EIF2S3: variants seen among roughly 807,000 people sequenced by gnomAD.
EIF2S3 encodes the protein eukaryotic translation initiation factor 2 subunit gamma.
Under a neutral mutation model 31.7 loss-of-function variants are expected in EIF2S3, and 2 were observed. The ratio of observed to expected loss-of-function variants is 0.06; its 90% CI spans 0.03 to 0.20. The LOEUF is 0.20. Among genes scored for constraint, EIF2S3 ranks in the 10% least tolerant of loss-of-function variants. The pLI is 1.00. For synonymous variants in EIF2S3, 120 were observed against 126.7 expected (o/e 0.95, Z 0.36); for missense variants, 96 against 359.3 (o/e 0.27, Z 5.92).
intron 11 of EIF2S3, among the ~76,000 whole-genome samples, chrX:24,075,140 C>T (rs1401529694): frequency 1.8e-5 from 2 of 110,815 alleles, no homozygotes; most frequent in Non-Finnish European, 3.8e-5. Context: ...GCTGGGATTA[C>T]AGGCATGAGC....
chrX:24,063,756 C>T (rs1251675809), intron 6 of EIF2S3, among the ~76,000 whole-genome samples: 2 of 109,489 alleles, frequency 1.8e-5, no homozygotes, highest in Admixed American at 2.0e-4. Flanking sequence ...GCCTGGGTGA[C>T]AAAGCGAGAC....
At chrX:24,063,198 A>C (rs1369108385) in intron 6 of EIF2S3, among the ~76,000 whole-genome samples, 1 of 112,284 alleles carries the variant, frequency 8.9e-6, no homozygotes, top group African/African-American at 3.2e-5. Context: ...AGCCGAGATC[A>C]CGCCATTGCA....
chrX:24,056,116 T>G (rs1382601389), intron 2 of EIF2S3, among the ~76,000 whole-genome samples: 1 of 112,121 alleles, frequency 8.9e-6, no homozygotes, highest in Non-Finnish European at 1.9e-5. Context: ...AGTGTAAATT[T>G]TGGACATTTT....
intron 6 of EIF2S3, among the ~76,000 whole-genome samples, 175 bp from the exon 7 acceptor site, chrX:24,064,026 A>G (rs902624923): frequency 8.9e-6 from 1 of 112,412 alleles, no homozygotes; most frequent in Admixed American, 9.5e-5. Flanking sequence ...AGTAAAAACA[A>G]ACAATATTGC....
At chrX:24,056,385 C>G (rs923746757) in intron 2 of EIF2S3, among the ~76,000 whole-genome samples, 1 of 111,818 alleles carries the variant, frequency 8.9e-6, no homozygotes, top group Non-Finnish European at 1.9e-5. Context: ...TCCGAACAAC[C>G]TATGCTAAGA....
At chrX:24,062,216 T>C (rs1216044067) in intron 5 of EIF2S3, among the ~76,000 whole-genome samples, 200 bp from the exon 6 acceptor site, 1 of 110,927 alleles carries the variant, frequency 9.0e-6, no homozygotes, top group African/African-American at 3.3e-5. Context: ...TTCACCACTA[T>C]CTAGTTCCAG....
chrX:24,067,898 CT>C, intron 8 of EIF2S3, 65 bp from the exon 9 acceptor site: 4 of 1,105,051 alleles, frequency 3.6e-6, no homozygotes, highest in Non-Finnish European at 4.8e-6. Flanking sequence ...CCTGTTGGAA[CT>C]TTTGATAGGT....
At chrX:24,072,560 A>G (rs990753052) in intron 10 of EIF2S3, among the ~76,000 whole-genome samples, 17 of 111,938 alleles carry the variant, frequency 1.5e-4, no homozygotes, top group Non-Finnish European at 2.1e-4. Context: ...TGGGATTAAC[A>G]GGTGTGATCC....
chrX:24,073,414 C>G, intron 11 of EIF2S3, 151 bp downstream of exon 11: 1 of 774,498 alleles, frequency 1.3e-6, no homozygotes, highest in Middle Eastern at 3.8e-4. Flanking sequence ...ATACTTCGGC[C>G]GGGTGCGGTG....
At chrX:24,065,963 A>T in intron 7 of EIF2S3, 35 bp from the exon 8 acceptor site, 3 of 1,094,405 alleles carry the variant, frequency 2.7e-6, no homozygotes, top group Non-Finnish European at 3.8e-6. Flanking sequence ...TAAAGTTAAG[A>T]TTAACAGAAC....
At chrX:24,067,878 G>C (rs767778831) in intron 8 of EIF2S3, 86 bp from the exon 9 acceptor site, 1 of 1,038,372 alleles carries the variant, frequency 9.6e-7, no homozygotes, top group Admixed American at 2.8e-5. Flanking sequence ...GTGAGCCACC[G>C]CACCCAGTCC....
At chrX:24,055,467 G>A (rs941086790) in intron 1 of EIF2S3, 148 bp from the exon 2 acceptor site, 6 of 530,633 alleles carry the variant, frequency 1.1e-5, no homozygotes, top group African/African-American at 9.2e-5. Context: ...CCAGCCATAG[G>A]AGTACAAAGT....
At chrX:24,071,751 T>A (rs1394168606) in intron 10 of EIF2S3, 24 bp downstream of exon 10, 1 of 1,199,696 alleles carries the variant, frequency 8.3e-7, no homozygotes, top group Non-Finnish European at 1.1e-6. Context: ...TAAAAATTCC[T>A]GTTTCTAAAA....
intron 11 of EIF2S3, among the ~76,000 whole-genome samples, 191 bp from the exon 12 acceptor site, chrX:24,076,531 C>G (rs745883441): frequency 2.7e-5 from 3 of 111,576 alleles, no homozygotes; most frequent in African/African-American, 9.7e-5. Context: ...GAGACTGTCT[C>G]AGAAAAAACA....
chrX:24,056,765 C>T (rs780827762), intron 2 of EIF2S3, among the ~76,000 whole-genome samples: 2 of 111,331 alleles, frequency 1.8e-5, no homozygotes, highest in African/African-American at 3.3e-5. Flanking sequence ...AGGCCGAGGT[C>T]GGAGGATTGC....
intron 6 of EIF2S3, among the ~76,000 whole-genome samples, chrX:24,062,825 TTATC>T (rs201302575): frequency 0.018 from 2,056 of 111,504 alleles, 50 homozygotes; most frequent in African/African-American, 0.064. Context: ...TCTGGAAACT[TTATC>T]AATCAGATTA....
chrX:24,076,750 G>A lies in EIF2S3; in HGVS notation c.1384G>A (p.Gly462Arg). 1 of 1,205,989 alleles carries A rather than the reference G, an allele frequency of 8.3e-7. No homozygotes were observed. The highest frequency in any genetic ancestry group is 1.1e-6 in the Non-Finnish European group (1 of 893,974). ...AATTGGTTGGGGTCAGATAAGAAGA[G>A]GAGTGACAATCAAGCCAACAGTAGA... ...RLIGWGQIRR[G>R]VTIKPTVDDD is the part of the protein sequence containing the mutation. The change falls in exon 12 of 12, where the codon GGA (glycine) becomes AGA (arginine). Residue 462 changes from glycine (G) to arginine (R), a missense_variant. Physicochemically the swap from Gly to Arg is moderately radical, Grantham distance 125. Transcript: ENST00000253039.
chrX:24,062,826 T>C (rs865982981), intron 6 of EIF2S3, among the ~76,000 whole-genome samples: 2 of 108,126 alleles, frequency 1.8e-5, no homozygotes, highest in African/African-American at 3.7e-5. Context: ...CTGGAAACTT[T>C]ATCAATCAGA....
intron 9 of EIF2S3, among the ~76,000 whole-genome samples, chrX:24,069,686 C>CTTTTTTT (rs754589833): frequency 4.9e-5 from 3 of 60,986 alleles, no homozygotes; most frequent in Non-Finnish European, 8.4e-5. Flanking sequence ...TTTTTAATTT[C>CTTTTTTT]TTTTTTTTTT....
Sources: allele counts gnomAD v4.1 joint callset (sites outside exome capture counted in the v4.1 genomes callset), GRCh38; gene constraint gnomAD v4.1.1; transcripts MANE v1.5; gene names NCBI Gene and HGNC (gene_info 2026-07-23, HGNC 2026-07-21).